The following PTPRM variants were observed in gnomAD, a reference collection of about 807,000 sequenced individuals.
PTPRM encodes the protein protein tyrosine phosphatase receptor type M, also known as receptor-type tyrosine-protein phosphatase mu.
In PTPRM, 47 loss-of-function variants were observed where a neutral mutation model predicts 186.7. The ratio of observed to expected loss-of-function variants is 0.25; its 90% CI spans 0.20 to 0.32. The LOEUF (loss-of-function observed/expected upper bound fraction) is 0.32, where lower values mean the gene tolerates loss of function less well. Among genes scored for constraint, PTPRM ranks in the 10% least tolerant of loss-of-function variants. The pLI, the probability that PTPRM is intolerant of heterozygous loss-of-function variation, is 1.00. For synonymous variants in PTPRM, 668 were observed against 674.9 expected (o/e 0.99, Z 0.16); for missense variants, 1,494 against 1,865.0 (o/e 0.80, Z 3.66).
intron 7 of PTPRM, among the ~76,000 whole-genome samples, chr18:8,002,333 A>G (rs766902438): frequency 6.6e-6 from 1 of 152,234 alleles, no homozygotes; most frequent in African/African-American, 2.4e-5. Flanking sequence ...TTTGGGTAGT[A>G]GAGCACATAA....
At chr18:8,183,412 G>A (rs879263149) in intron 14 of PTPRM, among the ~76,000 whole-genome samples, 1 of 152,162 alleles carries the variant, frequency 6.6e-6, no homozygotes, top group Non-Finnish European at 1.5e-5. Context: ...GGAAAGCGGT[G>A]AACTTGTGAT....
At chr18:8,217,180 T>C (rs1163365850) in intron 14 of PTPRM, among the ~76,000 whole-genome samples, 10 of 152,244 alleles carry the variant, frequency 6.6e-5, no homozygotes, top group African/African-American at 2.4e-4. Flanking sequence ...ATCTTTGGTT[T>C]AGCCTGAAAT....
At chr18:7,705,675 A>G (rs2040070943) in intron 1 of PTPRM, among the ~76,000 whole-genome samples, 1 of 151,386 alleles carries the variant, frequency 6.6e-6, no homozygotes, top group South Asian at 2.1e-4. Flanking sequence ...ATTAAGATGA[A>G]TTTCTTTCTT....
intron 19 of PTPRM, among the ~76,000 whole-genome samples, chr18:8,255,176 T>C (rs2094563284): frequency 6.6e-6 from 1 of 152,240 alleles, no homozygotes; most frequent in African/African-American, 2.4e-5. Context: ...AATTAGGTTA[T>C]TGAAAAAATA....
chr18:7,880,799 T>G (rs944489212), intron 2 of PTPRM, among the ~76,000 whole-genome samples: 1 of 152,170 alleles, frequency 6.6e-6, no homozygotes, highest in Admixed American at 6.5e-5. Flanking sequence ...GGGTGTAACC[T>G]GGTATTATGA....
In PTPRM at chr18:8,380,423, C is replaced by G. The variant is rs2095725601; in HGVS notation, c.3914C>G (p.Ala1305Gly). The G allele has an allele frequency of 6.2e-7, 1 of 1,614,130 alleles. No homozygotes were observed. Among genetic ancestry groups the G allele is most frequent in the Non-Finnish European group, 8.5e-7 (1 of 1,179,996 alleles). The stretch of plus-strand genomic sequence containing the variant: ...GTTATGCTAAATGATGTGGATCCTG[C>G]CCAGGTGAGACCCGGACTTCTTACA... ...SVVMLNDVDP[A>G]QLCPQYWPEN... The change falls in exon 29 of 33, where the codon GCC becomes GGC. Residue 1305 changes from alanine to glycine, a missense_variant. This residue lies in a region of PTPRM where 1,107 missense variants were observed against 1,350.2 expected (regional missense o/e 0.82). Coordinates refer to ENST00000580170, the MANE Select transcript of PTPRM (RefSeq NM_001105244.2).
At chr18:7,929,226 A>G (rs1027282875) in intron 5 of PTPRM, among the ~76,000 whole-genome samples, 1 of 152,208 alleles carries the variant, frequency 6.6e-6, no homozygotes, top group Non-Finnish European at 1.5e-5. Flanking sequence ...CAGACATAAC[A>G]TATAACTGGT....
intron 2 of PTPRM, among the ~76,000 whole-genome samples, chr18:7,784,796 A>G (rs953267686): frequency 2.6e-5 from 4 of 152,100 alleles, no homozygotes; most frequent in African/African-American, 9.7e-5. Context: ...GTCACCAGGG[A>G]TTCAGGGAGA....
intron 20 of PTPRM, among the ~76,000 whole-genome samples, chr18:8,313,594 T>G (rs1416698685): frequency 1.3e-5 from 2 of 152,040 alleles, no homozygotes; most frequent in Non-Finnish European, 2.9e-5. Flanking sequence ...TAATTTTTAG[T>G]TTTTTATTTC....
At chr18:8,302,825 A>C (rs1376427500) in intron 20 of PTPRM, among the ~76,000 whole-genome samples, 3 of 151,862 alleles carry the variant, frequency 2.0e-5, no homozygotes, top group African/African-American at 2.4e-5. Context: ...ATTATCCAGG[A>C]TGGATAATAC....
intron 2 of PTPRM, among the ~76,000 whole-genome samples, chr18:7,801,197 T>G (rs1346374421): frequency 1.3e-5 from 2 of 150,730 alleles, no homozygotes; most frequent in African/African-American, 4.8e-5. Context: ...AAACTTTGAC[T>G]TTTGTAATAA....
In PTPRM at chr18:7,777,787, G is replaced by A. The variant is rs145309432; in HGVS notation, c.196+3516G>A. ...AATTTGCTATCTCTTGAAAAGCATC[G>A]TGATGTGATTTTCTTTATTTTTTAG... On this transcript the variant is annotated intron_variant, in intron 2 of 32. Transcript: ENST00000580170. Among the ~76,000 whole-genome samples, 10 of 152,190 alleles carry A rather than the reference G, an allele frequency of 6.6e-5. No homozygotes were observed. The East Asian group carries it at 7.7e-4, about 12-fold the overall frequency.
At chr18:7,867,569 T>C (rs922215899) in intron 2 of PTPRM, among the ~76,000 whole-genome samples, 1 of 152,258 alleles carries the variant, frequency 6.6e-6, no homozygotes, top group Non-Finnish European at 1.5e-5. Context: ...AGAGATCTGC[T>C]GTTAGTCTGA....
At chr18:7,664,398 G>A (rs556132929) in intron 1 of PTPRM, among the ~76,000 whole-genome samples, 1 of 152,336 alleles carries the variant, frequency 6.6e-6, no homozygotes, top group African/African-American at 2.4e-5. Context: ...TGACCACAGA[G>A]CATTAAACAT....
chr18:8,263,916 G>A (rs1291847608), intron 19 of PTPRM, among the ~76,000 whole-genome samples: 1 of 152,172 alleles, frequency 6.6e-6, no homozygotes, highest in Non-Finnish European at 1.5e-5. Flanking sequence ...CCTGAGTTCT[G>A]TGAGCTGCTC....
At chr18:8,369,686 C>T (rs188187637) in intron 23 of PTPRM, among the ~76,000 whole-genome samples, 179 of 152,318 alleles carry the variant, frequency 1.2e-3, no homozygotes, top group Non-Finnish European at 1.7e-3. Context: ...TTGGGCACAG[C>T]GGCCCATGCC....
intron 13 of PTPRM, among the ~76,000 whole-genome samples, chr18:8,135,737 C>T (rs2092623038): frequency 6.6e-6 from 1 of 152,204 alleles, no homozygotes; most frequent in Non-Finnish European, 1.5e-5. Context: ...TGTGAGTCCT[C>T]ATCACAATTC....
At chr18:7,610,784 A>G (rs2037653085) in intron 1 of PTPRM, among the ~76,000 whole-genome samples, 1 of 152,220 alleles carries the variant, frequency 6.6e-6, no homozygotes, top group South Asian at 2.1e-4. Context: ...ATAAATGACT[A>G]TGTTATAGGG....
At chr18:7,615,615 C>T (rs55961656) in intron 1 of PTPRM, among the ~76,000 whole-genome samples, 2,649 of 152,166 alleles carry the variant, frequency 0.017, 84 homozygotes, top group African/African-American at 0.06. Context: ...TTGAGAAGTC[C>T]TCCCCTCCCT....
Sources: allele counts gnomAD v4.1 joint callset (sites outside exome capture counted in the v4.1 genomes callset), GRCh38; gene constraint gnomAD v4.1.1; regional missense constraint gnomAD v4.1.1; transcripts MANE v1.5; gene names NCBI Gene and HGNC (gene_info 2026-07-23, HGNC 2026-07-21).